Variants in TCF12 observed in about 807,000 individuals in gnomAD.
TCF12 encodes the protein transcription factor 12.
TCF12 carries 45 observed loss-of-function variants against 86.0 expected under a neutral mutation model. That is an observed-to-expected ratio of 0.52 (90% CI 0.41 to 0.67). The LOEUF (loss-of-function observed/expected upper bound fraction) is 0.67, where lower values mean the gene tolerates loss of function less well. Among genes scored for constraint, TCF12 ranks in the 30% least tolerant of loss-of-function variants. The pLI is 0.00. For synonymous variants in TCF12, 330 were observed against 299.6 expected (o/e 1.10, Z -1.05); for missense variants, 881 against 859.9 (o/e 1.02, Z -0.31).
chr15:57,074,555 G>A (rs1337455186), intron 4 of TCF12, among the ~76,000 whole-genome samples: 1 of 152,068 alleles, frequency 6.6e-6, no homozygotes, highest in African/African-American at 2.4e-5. Flanking sequence ...CGCCCAGGCT[G>A]GAAATGCAGT....
chr15:57,147,558 T>G (rs978345103), intron 5 of TCF12, among the ~76,000 whole-genome samples: 9 of 152,058 alleles, frequency 5.9e-5, no homozygotes, highest in Non-Finnish European at 1.2e-4. Flanking sequence ...GATCTTTGCA[T>G]GTTCTAGGGA....
chr15:56,978,118 T>A (rs2062705368), intron 3 of TCF12, among the ~76,000 whole-genome samples: 1 of 152,238 alleles, frequency 6.6e-6, no homozygotes, highest in African/African-American at 2.4e-5. Flanking sequence ...GAGAATCATT[T>A]GGAACCTTAT....
At chr15:56,984,353 C>G (rs752194324) in intron 3 of TCF12, among the ~76,000 whole-genome samples, 12 of 148,488 alleles carry the variant, frequency 8.1e-5, no homozygotes, top group Non-Finnish European at 1.5e-4. Flanking sequence ...TTAACCGGGC[C>G]TGTTAGCATT....
At chr15:57,104,435 C>CTTTTTTTTTTT (rs71113062) in intron 5 of TCF12, among the ~76,000 whole-genome samples, 1 of 103,340 alleles carries the variant, frequency 9.7e-6, no homozygotes, top group Non-Finnish European at 1.9e-5. Context: ...TTTTTTTTTT[C>CTTTTTTTTTTT]TTTTTTTTTT....
At chr15:57,061,586 G>A (rs1307142080) in intron 3 of TCF12, among the ~76,000 whole-genome samples, 2 of 152,126 alleles carry the variant, frequency 1.3e-5, no homozygotes, top group African/African-American at 2.4e-5. Context: ...CTGGATGACA[G>A]AACATGAACG....
At chr15:56,926,974 T>C (rs898709963) in intron 3 of TCF12, among the ~76,000 whole-genome samples, 2 of 152,190 alleles carry the variant, frequency 1.3e-5, no homozygotes, top group Admixed American at 1.3e-4. Flanking sequence ...TGGAGGCCTT[T>C]ATGCTAATCT....
chr15:57,015,151 G>A (rs182952442), intron 3 of TCF12, among the ~76,000 whole-genome samples: 2 of 152,188 alleles, frequency 1.3e-5, no homozygotes, highest in South Asian at 2.1e-4. Context: ...AGCCGGGTAT[G>A]GTGGTACATA....
At chr15:57,132,564 A>T (rs2052211795) in intron 5 of TCF12, among the ~76,000 whole-genome samples, 1 of 152,146 alleles carries the variant, frequency 6.6e-6, no homozygotes, top group Non-Finnish European at 1.5e-5. Context: ...GAATCTAAGG[A>T]CCTTTAAGGT....
At chr15:56,934,643 T>G (rs2140293431) in intron 3 of TCF12, among the ~76,000 whole-genome samples, 1 of 152,318 alleles carries the variant, frequency 6.6e-6, no homozygotes, top group East Asian at 1.9e-4. Flanking sequence ...TACCTTATAT[T>G]GGGAAATATT....
intron 3 of TCF12, among the ~76,000 whole-genome samples, chr15:56,991,588 T>C (rs2063941637): frequency 6.6e-6 from 1 of 152,240 alleles, no homozygotes; most frequent in Admixed American, 6.5e-5. Context: ...ATGTCCTTTT[T>C]AGTCTGTGAA....
intron 8 of TCF12, among the ~76,000 whole-genome samples, chr15:57,215,298 G>T (rs1370017091): frequency 3.3e-5 from 5 of 152,166 alleles, no homozygotes; most frequent in African/African-American, 1.2e-4. Flanking sequence ...TGAGGAAGAA[G>T]AGGCATTGGG....
intron 3 of TCF12, among the ~76,000 whole-genome samples, chr15:56,926,449 T>C (rs144118734): frequency 6.6e-6 from 1 of 152,318 alleles, no homozygotes; most frequent in East Asian, 1.9e-4. Context: ...GAGGCTGTGC[T>C]GAAGAGTCAG....
intron 4 of TCF12, among the ~76,000 whole-genome samples, chr15:57,084,412 G>C (rs1215914341): frequency 2.6e-5 from 4 of 152,164 alleles, no homozygotes; most frequent in African/African-American, 9.7e-5. Context: ...ACTACAAAAA[G>C]AAATAATAGG....
chr15:57,090,481 ATTAGTG>A (rs1470814357), intron 4 of TCF12, among the ~76,000 whole-genome samples: 1 of 152,246 alleles, frequency 6.6e-6, no homozygotes, highest in African/African-American at 2.4e-5. Context: ...ACTCCAGAAG[ATTAGTG>A]TTAAAACAGA....
At chr15:56,940,917 CT>C (rs539031767) in intron 3 of TCF12, among the ~76,000 whole-genome samples, 1,635 of 134,462 alleles carry the variant, frequency 0.012, 22 homozygotes, top group African/African-American at 0.04. Flanking sequence ...CCCAGCTGCT[CT>C]TTTTTTTTTT....
chr15:57,018,457 A>ATTTATT (rs1448897693), intron 3 of TCF12, among the ~76,000 whole-genome samples: 1 of 151,696 alleles, frequency 6.6e-6, no homozygotes, highest in African/African-American at 2.4e-5. Flanking sequence ...GGATTTATTT[A>ATTTATT]TTTATTTTTA....
intron 5 of TCF12, among the ~76,000 whole-genome samples, chr15:57,161,591 A>G (rs774108970): frequency 1.3e-5 from 2 of 152,186 alleles, no homozygotes; most frequent in Non-Finnish European, 2.9e-5. Flanking sequence ...TTGCTATTCT[A>G]CTAGAGTTGG....
At chr15:57,045,684 T>C (rs140777242) in intron 3 of TCF12, among the ~76,000 whole-genome samples, 1 of 152,250 alleles carries the variant, frequency 6.6e-6, no homozygotes, top group East Asian at 1.9e-4. Context: ...TATGTAGGAC[T>C]ACAGGCACAT....
chr15:57,083,759 G>T (rs977662066), intron 4 of TCF12, among the ~76,000 whole-genome samples: 1 of 151,952 alleles, frequency 6.6e-6, no homozygotes, highest in Non-Finnish European at 1.5e-5. Context: ...TGATTTTCTT[G>T]TATTTTGTAG....
Sources: allele counts gnomAD v4.1 joint callset (sites outside exome capture counted in the v4.1 genomes callset), GRCh38; gene constraint gnomAD v4.1.1; transcripts MANE v1.5; gene names NCBI Gene and HGNC (gene_info 2026-07-23, HGNC 2026-07-21).